DIXDC1: variants seen among roughly 807,000 people sequenced by gnomAD.
The protein encoded by DIXDC1 is DIX domain containing 1.
In DIXDC1, 64 loss-of-function variants were observed where a neutral mutation model predicts 103.1. The observed-to-expected ratio is 0.62, with a 90% CI of 0.51 to 0.76. DIXDC1 has a LOEUF of 0.76. DIXDC1 is among the 30% of genes least tolerant of loss of function. DIXDC1 has a pLI of 0.00. For synonymous variants in DIXDC1, 266 were observed against 298.5 expected (o/e 0.89, Z 1.12); for missense variants, 759 against 834.2 (o/e 0.91, Z 1.11).
intron 18 of DIXDC1, 67 bp downstream of exon 18, chr11:112,016,863 T>C: frequency 7.4e-7 from 1 of 1,354,530 alleles, no homozygotes; most frequent in South Asian, 1.3e-5. Context: ...CATTAGTTAC[T>C]GCCCACATGA....
At chr11:111,973,518 T>G (rs938934089) in intron 3 of DIXDC1, among the ~76,000 whole-genome samples, 1 of 152,250 alleles carries the variant, frequency 6.6e-6, no homozygotes, top group East Asian at 1.9e-4. Flanking sequence ...CATACTACAC[T>G]TAGAGCACAT....
At chr11:111,946,171 C>T (rs1344058145) in intron 1 of DIXDC1, among the ~76,000 whole-genome samples, 2 of 150,128 alleles carry the variant, frequency 1.3e-5, no homozygotes, top group African/African-American at 4.9e-5. Flanking sequence ...TGCAGTGGTG[C>T]GATCTCGGCT....
Position 111,977,403 on chromosome 11 carries a change from A to T in DIXDC1, c.656+2420A>T. The T allele has an allele frequency of 8.8e-7, 1 of 1,133,442 alleles. No individual in the cohort carries two copies. The highest frequency in any genetic ancestry group is 1.7e-5 in the African/African-American group (1 of 59,676). The allele number at this position is 1,133,442 out of a possible 1,614,324, so 70.2% of individuals were successfully genotyped here. A position where few individuals can be genotyped will look rare whatever the true frequency, so the allele number is the denominator to read the frequency against. On this transcript the variant is annotated intron_variant, in intron 5 of 19. Transcript: ENST00000440460. The surrounding 1 kb of genome is among the most constrained non-coding windows in gnomAD (Gnocchi z 6.1). ...CCCTCCCAGTGGGAGATGGGTTGAG[A>T]TGCCCCCGCCAGGGGGGATGCCCGG... is the stretch of plus-strand genomic sequence containing the variant.
chr11:111,954,240 A>G lies in DIXDC1; in HGVS notation c.61-10309A>G, dbSNP rs587736999. Among the ~76,000 whole-genome samples, 86 of 152,312 alleles carry G rather than the reference A, an allele frequency of 5.6e-4. 1 individual carries two copies. The highest frequency in any genetic ancestry group is 3.4e-3 in the Middle Eastern group (1 of 294). ...GGGTAATGGGAGACAGTGACAGATCATCAGTCATTAGATTCTCATAAGGAG... is the reference window on the plus strand; with the variant it reads ...GGGTAATGGGAGACAGTGACAGATCGTCAGTCATTAGATTCTCATAAGGAG... On this transcript the variant is annotated intron_variant, in intron 1 of 19. Coordinates refer to ENST00000440460, the MANE Select transcript of DIXDC1 (RefSeq NM_001037954.4).
chr11:111,982,454 G>A lies in DIXDC1; in HGVS notation c.885G>A (p.Met295Ile). The change falls in exon 7 of 20, where the codon ATG (methionine) becomes ATA (isoleucine). Residue 295 changes from methionine (M) to isoleucine (I), a missense_variant. Met to Ile is a conservative substitution (Grantham distance 10, BLOSUM62 1). Around this residue, in one of 3 missense-constraint regions of DIXDC1, gnomAD observed 657 missense variants for 727.5 expected, o/e 0.90. Coordinates refer to ENST00000440460, the MANE Select transcript of DIXDC1 (RefSeq NM_001037954.4). ...LEQQEYLEKE[M>I]EEAKKMISGL... is the part of the protein sequence containing the mutation. ...AACAAGAATATTTAGAAAAAGAAAT[G>A]GAGGAAGCAAAGAAAATGATATCAG... The A allele has an allele frequency of 6.2e-7, 1 of 1,613,534 alleles. No individual in the cohort carries two copies. Among genetic ancestry groups the A allele is most frequent in the Non-Finnish European group, 8.5e-7 (1 of 1,179,694 alleles).
intron 17 of DIXDC1, among the ~76,000 whole-genome samples, chr11:111,996,938 G>A (rs1330546296): frequency 6.6e-6 from 1 of 152,166 alleles, no homozygotes; most frequent in Non-Finnish European, 1.5e-5. Context: ...GCTAGGAAGT[G>A]TATTTTAACC....
intron 2 of DIXDC1, among the ~76,000 whole-genome samples, chr11:111,967,454 C>G (rs587681270): frequency 1.8e-3 from 277 of 152,266 alleles, no homozygotes; most frequent in African/African-American, 6.4e-3. Context: ...TACAATATAC[C>G]TGATATCTAA....
intron 2 of DIXDC1, among the ~76,000 whole-genome samples, chr11:111,966,397 A>AATTTTTTTTT (rs1406243811): frequency 3.4e-5 from 2 of 58,714 alleles, no homozygotes; most frequent in African/African-American, 1.3e-4. Context: ...TAATTTTTGT[A>AATTTTTTTTT]TTTTTTTTTT....
At chr11:111,929,764 A>T (rs201430840) in intron 1 of DIXDC1, 39 of 1,135,694 alleles carry the variant, frequency 3.4e-5, no homozygotes, top group African/African-American at 6.9e-5. Flanking sequence ...TGAGCTTTAA[A>T]TTTTTTTTTT....
At position 112,003,267 on chromosome 11, in the gene DIXDC1, C is replaced by T. The variant is rs587732729; in HGVS notation, c.1756+7121C>T. ...CCTGTAATCCCAGCACTTTGGGAGG[C>T]TGAGGTGGGCAAAACCTTGTCTCTA... On this transcript the variant is annotated intron_variant, in intron 17 of 19. Coordinates refer to ENST00000440460, the MANE Select transcript of DIXDC1 (RefSeq NM_001037954.4). Among the ~76,000 whole-genome samples, 7 of 151,792 alleles carry T rather than the reference C, an allele frequency of 4.6e-5. No individual in the cohort carries two copies. In the South Asian group the frequency reaches 1.5e-3, roughly 32 times the overall value.
intron 10 of DIXDC1, 150 bp from the exon 11 acceptor site, chr11:111,992,265 C>A (rs914002278): frequency 1.6e-6 from 1 of 639,692 alleles, no homozygotes; most frequent in African/African-American, 1.8e-5. Context: ...AACCCCTCCT[C>A]AGCAACTCGT....
rs587676326 is a variant in DIXDC1, at chr11:111,970,779, A to G, written c.316+2141A>G. 6.6e-5 allele frequency among the ~76,000 whole-genome samples: 10 copies of G among 152,336 alleles called. No homozygotes were observed. In the South Asian group the frequency reaches 1.9e-3, roughly 28 times the overall value. ...ATGGTACTGGTATAAAAACAGACACATAGACCAATGGAACAGACTAGAGAA... is the reference window on the plus strand; with the variant it reads ...ATGGTACTGGTATAAAAACAGACACGTAGACCAATGGAACAGACTAGAGAA... On this transcript the variant is annotated intron_variant, in intron 3 of 19. Coordinates refer to ENST00000440460, the MANE Select transcript of DIXDC1 (RefSeq NM_001037954.4).
chr11:111,933,565 G>T (rs1966100243), upstream of DIXDC1, among the ~76,000 whole-genome samples: 2 of 152,016 alleles, frequency 1.3e-5, no homozygotes, highest in Admixed American at 6.5e-5. Flanking sequence ...GAGTAGCTGG[G>T]ACTATGGGCA....
At position 112,003,317 on chromosome 11, in the gene DIXDC1, G is replaced by A. The variant is rs117001140; in HGVS notation, c.1756+7171G>A. The stretch of plus-strand genomic sequence containing the variant: ...ACTAAAAATACAAAAATTAGCGGGC[G>A]GGTGGCAAGTACCTGTAATCCCAGC... On this transcript the variant is annotated intron_variant, in intron 17 of 19. Transcript: ENST00000440460. Among the ~76,000 whole-genome samples the A allele has an allele frequency of 6.5e-3, 988 of 151,904 alleles. 30 individuals carry two copies. The East Asian group carries it at 0.097, about 15-fold the overall frequency.
chr11:112,005,778 A>G (rs11214062), intron 17 of DIXDC1, among the ~76,000 whole-genome samples: 189 of 152,346 alleles, frequency 1.2e-3, no homozygotes, highest in African/African-American at 4.2e-3. Flanking sequence ...TCTAGTTACA[A>G]TTGGAGGCTT....
At chr11:111,952,108 T>C (rs2137474720) in intron 1 of DIXDC1, among the ~76,000 whole-genome samples, 1 of 152,224 alleles carries the variant, frequency 6.6e-6, no homozygotes, top group South Asian at 2.1e-4. Context: ...TCAAGTGATC[T>C]GCCCGCCTCA....
intron 3 of DIXDC1, among the ~76,000 whole-genome samples, chr11:111,972,550 T>A (rs1306685842): frequency 6.6e-6 from 1 of 152,188 alleles, no homozygotes; most frequent in Admixed American, 6.5e-5. Flanking sequence ...CTGAGGACCC[T>A]TAGGATAAAA....
chr11:112,000,523 C>G (rs1861034007), intron 17 of DIXDC1, among the ~76,000 whole-genome samples: 1 of 151,916 alleles, frequency 6.6e-6, no homozygotes, highest in African/African-American at 2.4e-5. Context: ...GTGGTGAAAC[C>G]CCGTCTCTAC....
chr11:111,975,996 C>G (rs587750191), intron 5 of DIXDC1: 1 of 798,402 alleles, frequency 1.3e-6, no homozygotes, highest in East Asian at 1.3e-4. Context: ...ATAAAGTGTA[C>G]AATTCAGTGG....
Sources: gnomAD v4.1 joint callset for allele counts (sites outside exome capture counted in the v4.1 genomes callset) on GRCh38, gnomAD v4.1.1 for gene constraint, gnomAD v4.1.1 regional missense constraint, Gnocchi (gnomAD v3.1) non-coding constraint, MANE v1.5 for transcripts, NCBI Gene and HGNC (gene_info 2026-07-23, HGNC 2026-07-21) for gene names.